NCAPG: variants seen among roughly 807,000 people sequenced by gnomAD.
NCAPG encodes the protein condensin complex subunit 3.
Under a neutral mutation model 113.1 loss-of-function variants are expected in NCAPG, and 69 were observed. The ratio of observed to expected loss-of-function variants is 0.61; its 90% CI spans 0.50 to 0.75. The LOEUF is 0.75. Among genes scored for constraint, NCAPG ranks in the 30% least tolerant of loss-of-function variants. The pLI is 0.00. For synonymous variants in NCAPG, 370 were observed against 415.8 expected (o/e 0.89, Z 1.34); for missense variants, 1,058 against 1,177.0 (o/e 0.90, Z 1.48).
At chr4:17,812,748 A>AAT (rs1312947752) in intron 2 of NCAPG, among the ~76,000 whole-genome samples, 169 bp from the exon 3 acceptor site, 1 of 152,174 alleles carries the variant, frequency 6.6e-6, no homozygotes, top group Admixed American at 6.5e-5. Context: ...GACTGTATAA[A>AAT]ATATATATAT....
intron 1 of NCAPG, 118 bp from the exon 2 acceptor site, chr4:17,812,099 CTAAA>C (rs1356949534): frequency 1.1e-5 from 8 of 755,162 alleles, no homozygotes. Context: ...TAAGAGTTTA[CTAAA>C]TAAATATTTT....
At chr4:17,832,164 A>G (rs1721890856) in intron 13 of NCAPG, among the ~76,000 whole-genome samples, 3 of 152,150 alleles carry the variant, frequency 2.0e-5, no homozygotes, top group Admixed American at 1.3e-4. Flanking sequence ...AAACTTCCTA[A>G]CTTGCAGGCT....
rs1391321949 is a variant in NCAPG at position 17,837,119 on chromosome 4, A to G, written c.2110-40A>G. The G allele has an allele frequency of 2.5e-6, 4 of 1,579,102 alleles. No homozygotes were observed. The African/African-American group carries it at 5.4e-5, about 21-fold the overall frequency. On this transcript the variant is annotated intron_variant, in intron 14 of 20. Coordinates refer to ENST00000251496, the MANE Select transcript of NCAPG (RefSeq NM_022346.5). ...CTACATTGAGAGGCTTAAAAAGGAG[A>G]TACAAATAAATTTCTTCTAATGAAT...
intron 8 of NCAPG, 113 bp downstream of exon 8, chr4:17,823,236 T>C (rs1205498933): frequency 1.9e-6 from 2 of 1,030,774 alleles, no homozygotes; most frequent in Non-Finnish European, 2.8e-6. Flanking sequence ...TAAAGTGGTA[T>C]AAAAAGTTTT....
intron 5 of NCAPG, among the ~76,000 whole-genome samples, chr4:17,816,007 T>C (rs979034933): frequency 9.9e-5 from 15 of 152,110 alleles, no homozygotes; most frequent in Non-Finnish European, 2.1e-4. Flanking sequence ...TTGGTATGAA[T>C]GTGTTCTGTG....
At position 17,833,113 on chromosome 4, in the gene NCAPG, C is replaced by CG. The variant is rs1287550583; in HGVS notation, c.1885-1185dup. Among the ~76,000 whole-genome samples the CG allele has an allele frequency of 5.3e-5, 8 of 151,916 alleles. No individual in the cohort carries two copies. In the East Asian group the frequency reaches 1.5e-3, roughly 29 times the overall value. On this transcript the variant is annotated intron_variant, in intron 13 of 20. Coordinates refer to ENST00000251496, the MANE Select transcript of NCAPG (RefSeq NM_022346.5). ...AGAATATAGTAAATTGGCACACACC[C>CG]GTAATCCCAGCACTTTGGGAGGCTG...
At position 17,828,393 on chromosome 4, in the gene NCAPG, G is replaced by T. The variant is rs748077854; in HGVS notation, c.1764+5G>T. The stretch of plus-strand genomic sequence containing the variant: ...AATGGAATCATCGAATCTTTGGTAT[G>T]TTGATGGCCTCTTGGGCTTTATTTT... On this transcript the variant is annotated splice_donor_5th_base_variant and intron_variant, in intron 12 of 20. Transcript: ENST00000251496. 5 of 1,567,194 alleles carry T rather than the reference G, an allele frequency of 3.2e-6. No individual in the cohort carries two copies. In the East Asian group the frequency reaches 1.1e-4, roughly 36 times the overall value.
chr4:17,822,078 AT>A lies in NCAPG; in HGVS notation c.1119-900del, dbSNP rs112813004. On this transcript the variant is annotated intron_variant, in intron 7 of 20. Transcript: ENST00000251496. ...AATAAAAATTTGTGAAATTGTTTCT[AT>A]TTTTCTGATTTTTTTCAAAAAAGAT... is the stretch of plus-strand genomic sequence containing the variant. Among the ~76,000 whole-genome samples the A allele has an allele frequency of 5.3e-4, 80 of 150,050 alleles. 2 individuals are homozygous for A. Among genetic ancestry groups the A allele is most frequent in the African/African-American group, 1.8e-3 (73 of 40,720 alleles).
chr4:17,822,289 A>T (rs1424712220), intron 7 of NCAPG, among the ~76,000 whole-genome samples: 1 of 143,482 alleles, frequency 7.0e-6, no homozygotes, highest in East Asian at 2.1e-4. Context: ...TGCCTCCTGG[A>T]TTCAAGCAAT....
chr4:17,837,401 A>C, intron 15 of NCAPG, 61 bp downstream of exon 15: 2 of 1,425,534 alleles, frequency 1.4e-6, no homozygotes, highest in Non-Finnish European at 1.9e-6. Context: ...GTCCCCCATG[A>C]ATTATATCTA....
At position 17,834,523 on chromosome 4, in the gene NCAPG, G is replaced by T; in HGVS notation, c.2109G>T (p.Glu703Asp). ...TCCTTTCTGATTTCTTAGATAGTGA[G>T]GTAAGAAATAATCCAGTCCTGTGAT... ...LKLLSDFLDS[E>D]VSELRTGAAE... is the part of the protein sequence containing the mutation. The change falls in exon 14 of 21, where the codon GAG becomes GAT. Residue 703 changes from glutamate (E) to aspartate (D), a missense_variant and splice_region_variant. Glu to Asp is a conservative substitution (Grantham distance 45, BLOSUM62 2). Coordinates refer to ENST00000251496, the MANE Select transcript of NCAPG (RefSeq NM_022346.5). 6.4e-7 allele frequency: 1 copy of T among 1,559,518 alleles called. No individual in the cohort carries two copies. The highest frequency in any genetic ancestry group is 8.7e-7 in the Non-Finnish European group (1 of 1,148,022).
chr4:17,831,885 T>C (rs1289252288), intron 13 of NCAPG, among the ~76,000 whole-genome samples: 1 of 152,210 alleles, frequency 6.6e-6, no homozygotes, highest in Admixed American at 6.5e-5. Context: ...AAGATTGTTA[T>C]GATCTGACTG....
chr4:17,843,619 A>ATCAG lies in NCAPG; in HGVS notation c.*202_*205dup, dbSNP rs1354770596. 5 of 452,270 alleles carry ATCAG rather than the reference A, an allele frequency of 1.1e-5. No homozygotes were observed. The highest frequency in any genetic ancestry group is 7.4e-5 in the East Asian group (2 of 27,188). The allele number at this position is 452,270 out of a possible 1,614,324, so 28.0% of individuals were successfully genotyped here. A position where few individuals can be genotyped will look rare whatever the true frequency, so the allele number is the denominator to read the frequency against. On this transcript the variant is annotated 3_prime_UTR_variant, in exon 21 of 21. Transcript: ENST00000251496. ...TTATTATAGTCCAGAAAAAGTGTGC[A>ATCAG]TCAGTCAGTCACACAGATTTATCAC...
At chr4:17,837,361 A>G (rs1722143799) in intron 15 of NCAPG, 21 bp downstream of exon 15, 3 of 1,580,172 alleles carry the variant, frequency 1.9e-6, no homozygotes, top group Non-Finnish European at 2.6e-6. Flanking sequence ...ATACTGATAA[A>G]TCAAAAATCT....
chr4:17,839,655 A>G, intron 16 of NCAPG, 21 bp from the exon 17 acceptor site: 1 of 1,455,184 alleles, frequency 6.9e-7, no homozygotes, highest in East Asian at 2.5e-5. Context: ...ATTTACAGAG[A>G]ATTTTCTCTT....
chr4:17,842,719 A>ATAAT (rs1156909101), intron 20 of NCAPG: 1 of 207,104 alleles, frequency 4.8e-6, no homozygotes, highest in Non-Finnish European at 9.9e-6. Context: ...TACTGATAGA[A>ATAAT]TAATTCTGTC....
At chr4:17,828,468 A>G in intron 12 of NCAPG, 80 bp downstream of exon 12, 1 of 728,894 alleles carries the variant, frequency 1.4e-6, no homozygotes, top group Admixed American at 2.7e-5. Context: ...AGAAATCAAA[A>G]TAATGAAAAG....
intron 9 of NCAPG, 114 bp downstream of exon 9, chr4:17,823,884 T>C (rs1721554857): frequency 1.3e-6 from 1 of 794,138 alleles, no homozygotes; most frequent in Admixed American, 3.1e-5. Context: ...GTTCGTCTCT[T>C]TAATGAGTTT....
chr4:17,820,426 C>A (rs556698487), intron 7 of NCAPG, among the ~76,000 whole-genome samples: 1 of 151,978 alleles, frequency 6.6e-6, no homozygotes, highest in East Asian at 1.9e-4. Flanking sequence ...ATAGTGAAAC[C>A]CCGTCTCTAC....
Sources: allele counts gnomAD v4.1 joint callset (sites outside exome capture counted in the v4.1 genomes callset), GRCh38; gene constraint gnomAD v4.1.1; transcripts MANE v1.5; gene names NCBI Gene and HGNC (gene_info 2026-07-23, HGNC 2026-07-21).